The following RNF130 variants were observed in gnomAD, a reference collection of about 807,000 sequenced individuals.
RNF130 encodes the protein ring finger protein 130.
Under a neutral mutation model 44.6 loss-of-function variants are expected in RNF130, and 21 were observed. The observed-to-expected ratio is 0.47, with a 90% confidence interval of 0.33 to 0.68. RNF130 has a LOEUF of 0.68. Among genes scored for constraint, RNF130 ranks in the 30% least tolerant of loss-of-function variants. RNF130 has a pLI of 0.02. For missense variants in RNF130, 479 were observed against 560.6 expected (o/e 0.85, Z 1.47); for synonymous variants, 214 against 210.4 (o/e 1.02, Z -0.15).
chr5:179,987,263 G>A (rs1762976365), intron 3 of RNF130, among the ~76,000 whole-genome samples: 2 of 151,996 alleles, frequency 1.3e-5, no homozygotes, highest in Non-Finnish European at 2.9e-5. Flanking sequence ...GACCTCCTGG[G>A]CTCAATCCAT....
chr5:179,922,849 G>A (rs747485868), intron 7 of RNF130, among the ~76,000 whole-genome samples: 2 of 151,848 alleles, frequency 1.3e-5, no homozygotes, highest in East Asian at 3.9e-4. Flanking sequence ...TGGGAGGATC[G>A]CTTGAGTCCG....
chr5:180,053,664 T>A (rs1764737041), intron 1 of RNF130, among the ~76,000 whole-genome samples: 1 of 152,074 alleles, frequency 6.6e-6, no homozygotes, highest in African/African-American at 2.4e-5. Context: ...TGGAAAGAAA[T>A]AGGTTTACTG....
In RNF130 at chr5:180,038,469, A is replaced by G. The variant is rs114672801; in HGVS notation, c.442+1984T>C. Among the ~76,000 whole-genome samples, 992 of 149,116 alleles carry G rather than the reference A, an allele frequency of 6.7e-3. 9 individuals carry two copies. Among genetic ancestry groups the G allele is most frequent in the African/African-American group, 0.019 (787 of 40,660 alleles). On this transcript the variant is annotated intron_variant, in intron 2 of 8. Coordinates refer to ENST00000521389, the MANE Select transcript of RNF130 (RefSeq NM_018434.6). Reference sequence around the variant, plus strand: ...CCCAAAGTGCTTGGATTATAGGATTACAGGTGTGAGCCACTGCGACCAGCC... The same window carrying G: ...CCCAAAGTGCTTGGATTATAGGATTGCAGGTGTGAGCCACTGCGACCAGCC...
Position 180,054,681 on chromosome 5 carries a change from G to C in RNF130, c.248-14034C>G, listed in dbSNP as rs1005765931. Among the ~76,000 whole-genome samples the C allele has an allele frequency of 3.2e-4, 49 of 152,216 alleles. 1 individual carries two copies. The highest frequency in any genetic ancestry group is 1.2e-3 in the African/African-American group (49 of 41,568). Reference sequence around the variant, plus strand: ...GTGAATTCTCTTAATTTTATTATTTGTTTTCAAGATTGTTTTGACTACTGT... The same window carrying C: ...GTGAATTCTCTTAATTTTATTATTTCTTTTCAAGATTGTTTTGACTACTGT... On this transcript the variant is annotated intron_variant, in intron 1 of 8. Transcript: ENST00000521389.
intron 2 of RNF130, among the ~76,000 whole-genome samples, chr5:180,024,036 C>G (rs1156663898): frequency 6.6e-6 from 1 of 152,184 alleles, no homozygotes; most frequent in Non-Finnish European, 1.5e-5. Flanking sequence ...GTCTTCCTCC[C>G]AAAAACCCAT....
At chr5:180,031,527 C>T (rs10078977) in intron 2 of RNF130, among the ~76,000 whole-genome samples, 80,286 of 151,948 alleles carry the variant, frequency 0.53, 22,301 homozygotes, top group South Asian at 0.72. Context: ...AAAAGTTATA[C>T]GTAGCTTTTT....
At chr5:180,064,295 G>A (rs1474332452) in intron 1 of RNF130, among the ~76,000 whole-genome samples, 2 of 152,132 alleles carry the variant, frequency 1.3e-5, no homozygotes, top group Non-Finnish European at 1.5e-5. Flanking sequence ...ATAAAAATAG[G>A]GAGCAGATTC....
intron 2 of RNF130, among the ~76,000 whole-genome samples, chr5:180,030,142 GCCACTGT>G (rs1222614866): frequency 2.0e-5 from 3 of 152,062 alleles, no homozygotes; most frequent in Admixed American, 6.6e-5. Flanking sequence ...TCCACACCCA[GCCACTGT>G]CCACTTTTTA....
intron 5 of RNF130, 25 bp from the exon 6 acceptor site, chr5:179,970,531 C>T (rs1762557449): frequency 2.6e-6 from 4 of 1,548,798 alleles, no homozygotes; most frequent in African/African-American, 1.4e-5. Context: ...AGAATTATGT[C>T]ACAAGTTACA....
intron 8 of RNF130, among the ~76,000 whole-genome samples, chr5:179,960,149 T>C (rs1393017566): frequency 1.3e-5 from 2 of 152,204 alleles, no homozygotes; most frequent in Non-Finnish European, 2.9e-5. Flanking sequence ...TTTATATGAA[T>C]AGCCAAGTAG....
At chr5:180,036,809 A>C (rs886351128) in intron 2 of RNF130, among the ~76,000 whole-genome samples, 2 of 149,528 alleles carry the variant, frequency 1.3e-5, no homozygotes, top group Non-Finnish European at 3.0e-5. Context: ...CAAAAATTAC[A>C]AAGAATATAA....
At chr5:179,953,615 C>T (rs1249650877), downstream of RNF130, among the ~76,000 whole-genome samples, 2 of 152,160 alleles carry the variant, frequency 1.3e-5, no homozygotes, top group Admixed American at 1.3e-4. Flanking sequence ...ACACCGTATA[C>T]AAACATTAAC....
At chr5:180,069,677 C>T (rs1476629781) in intron 1 of RNF130, among the ~76,000 whole-genome samples, 1 of 152,148 alleles carries the variant, frequency 6.6e-6, no homozygotes, top group Non-Finnish European at 1.5e-5. Flanking sequence ...TTCATCATTC[C>T]ATTTTACAGA....
chr5:180,039,192 A>G (rs967847634), intron 2 of RNF130, among the ~76,000 whole-genome samples: 3 of 152,050 alleles, frequency 2.0e-5, no homozygotes, highest in African/African-American at 7.2e-5. Context: ...TTTTTGTACA[A>G]TAAGCATGTG....
chr5:180,067,838 C>T (rs1020586592), intron 1 of RNF130, among the ~76,000 whole-genome samples: 2 of 152,230 alleles, frequency 1.3e-5, no homozygotes, highest in African/African-American at 2.4e-5. Flanking sequence ...CCCCTTTCAC[C>T]CAAATCCTGT....
intron 1 of RNF130, among the ~76,000 whole-genome samples, chr5:180,060,597 A>G (rs1764954164): frequency 6.6e-6 from 1 of 152,158 alleles, no homozygotes; most frequent in African/African-American, 2.4e-5. Flanking sequence ...CAGCACTTCC[A>G]CCCTAACTTA....
Position 179,959,335 on chromosome 5 carries a change from A to G in RNF130, c.1245-3666T>C, listed in dbSNP as rs901091772. Among the ~76,000 whole-genome samples, 7 of 152,286 alleles carry G rather than the reference A, an allele frequency of 4.6e-5. 1 individual carries two copies. The highest frequency in any genetic ancestry group is 4.6e-4 in the Admixed American group (7 of 15,298). ...ATGCTGAGTGTGCTAGTTTCTCAAT[A>G]TTCCTCTTAAAAAGAGTACTGAGCA... On this transcript the variant is annotated intron_variant, in intron 8 of 8. Coordinates refer to ENST00000521389, the MANE Select transcript of RNF130 (RefSeq NM_018434.6).
At chr5:180,061,254 C>T (rs2113181340) in intron 1 of RNF130, among the ~76,000 whole-genome samples, 1 of 152,114 alleles carries the variant, frequency 6.6e-6, no homozygotes, top group South Asian at 2.1e-4. Context: ...CAACAGTGGG[C>T]TCAGGATGGT....
intron 1 of RNF130, among the ~76,000 whole-genome samples, chr5:180,057,046 T>C (rs1764842170): frequency 6.6e-6 from 1 of 152,262 alleles, no homozygotes; most frequent in African/African-American, 2.4e-5. Flanking sequence ...GAGGAGCATG[T>C]TTTCTTATTC....
Sources: allele counts gnomAD v4.1 joint callset (sites outside exome capture counted in the v4.1 genomes callset), GRCh38; gene constraint gnomAD v4.1.1; transcripts MANE v1.5; gene names NCBI Gene and HGNC (gene_info 2026-07-23, HGNC 2026-07-21).